LRRC20: variants seen among roughly 807,000 people sequenced by gnomAD.
LRRC20 encodes leucine rich repeat containing 20.
In LRRC20, 11 loss-of-function variants were observed where a neutral mutation model predicts 14.4. The observed-to-expected ratio is 0.77, with a 90% CI of 0.48 to 1.27. LRRC20 has a LOEUF of 1.27. Among genes scored for constraint, LRRC20 ranks in the 50% most tolerant of loss-of-function variants. LRRC20 has a pLI of 0.00. For synonymous variants in LRRC20, 121 were observed against 107.3 expected, an observed-to-expected ratio of 1.13 and a Z score of -0.79; for missense variants, 219 against 251.2, an observed-to-expected ratio of 0.87 and a Z score of 0.87.
At chr10:70,355,634 T>C (rs919784322) in intron 2 of LRRC20, among the ~76,000 whole-genome samples, 7 of 152,198 alleles carry the variant, frequency 4.6e-5, no homozygotes, top group African/African-American at 1.2e-4. Context: ...TCCTATTTCA[T>C]GGACTTGTAT....
intron 2 of LRRC20, among the ~76,000 whole-genome samples, chr10:70,357,601 A>C (rs1248922333): frequency 1.3e-5 from 2 of 152,196 alleles, no homozygotes; most frequent in Non-Finnish European, 2.9e-5. Context: ...TTATTCTCAC[A>C]AGCCCTGGAC....
intron 2 of LRRC20, among the ~76,000 whole-genome samples, chr10:70,355,477 C>T (rs1843484944): frequency 6.6e-6 from 1 of 152,100 alleles, no homozygotes; most frequent in African/African-American, 2.4e-5. Flanking sequence ...AGTCCCACCG[C>T]AATAGCACAC....
chr10:70,380,767 G>A (rs1489376800), intron 1 of LRRC20, among the ~76,000 whole-genome samples: 1 of 152,226 alleles, frequency 6.6e-6, no homozygotes, highest in Non-Finnish European at 1.5e-5. Flanking sequence ...TGAGCATCCT[G>A]GTCCGGTGAA....
intron 4 of LRRC20, among the ~76,000 whole-genome samples, chr10:70,322,837 G>A (rs1360555874): frequency 6.6e-6 from 1 of 151,986 alleles, no homozygotes; most frequent in African/African-American, 2.4e-5. Flanking sequence ...TCAAAGGTCA[G>A]CTGGTCCCAC....
rs1841139713 is a variant in LRRC20 at position 70,300,692 on chromosome 10, T to C, written c.*662A>G. On this transcript the variant is annotated 3_prime_UTR_variant, in exon 5 of 5. Coordinates refer to ENST00000446961, the MANE Select transcript of LRRC20 (RefSeq NM_001278212.2). The stretch of plus-strand genomic sequence containing the variant: ...CAGAGCTGACGTGACTTGCTCCCCA[T>C]TCCCAGCCTGCTGGTCCTCGGGCTC... 2.0e-6 allele frequency: 2 copies of C among 985,478 alleles called. No individual in the cohort carries two copies. The highest frequency in any genetic ancestry group is 1.7e-5 in the African/African-American group (1 of 57,240). The allele number at this position is 985,478 out of a possible 1,614,324, so 61.0% of individuals were successfully genotyped here.
intron 3 of LRRC20, among the ~76,000 whole-genome samples, chr10:70,337,600 C>G (rs1439954648): frequency 6.6e-6 from 1 of 152,164 alleles, no homozygotes; most frequent in African/African-American, 2.4e-5. Flanking sequence ...CTGGGGAGGG[C>G]CTACTTACTC....
chr10:70,301,273 G>A lies in LRRC20; in HGVS notation c.*81C>T. 1 of 1,516,192 alleles carries A rather than the reference G, an allele frequency of 6.6e-7. No homozygotes were observed. Among genetic ancestry groups the A allele is most frequent in the Admixed American group, 2.0e-5 (1 of 50,236 alleles). The allele number at this position is 1,516,192 out of a possible 1,614,324, so 93.9% of individuals were successfully genotyped here. A position where few individuals can be genotyped will look rare whatever the true frequency, so the allele number is the denominator to read the frequency against. ...CACCCGCCCCCAGCCCCCAGGCTTG[G>A]CCTCCCATGGGCCTCCCTCCCTTCC... is the stretch of plus-strand genomic sequence containing the variant. On this transcript the variant is annotated 3_prime_UTR_variant, in exon 5 of 5. Coordinates refer to ENST00000446961, the MANE Select transcript of LRRC20 (RefSeq NM_001278212.2).
chr10:70,312,857 A>G lies in LRRC20; in HGVS notation c.400+11006T>C, dbSNP rs569242232. 1.2e-4 allele frequency among the ~76,000 whole-genome samples: 18 copies of G among 152,324 alleles called. 1 individual carries two copies. The South Asian group carries it at 3.7e-3, about 32-fold the overall frequency. Reference sequence around the variant, plus strand: ...GGAAGTATGGCGGGCACCCCCATCAATAGGATGGGAAGCACGGGATGTTTT... The same window carrying G: ...GGAAGTATGGCGGGCACCCCCATCAGTAGGATGGGAAGCACGGGATGTTTT... On this transcript the variant is annotated intron_variant, in intron 4 of 4. Transcript: ENST00000446961.
chr10:70,376,560 C>T lies in LRRC20; in HGVS notation c.-27G>A. 5 of 1,609,228 alleles carry T rather than the reference C, an allele frequency of 3.1e-6. No homozygotes were observed. The highest frequency in any genetic ancestry group is 2.2e-5 in the East Asian group (1 of 44,874). ...CAGACACAGGTGTCCTGCCGCCAGC[C>T]CCCAGGCTGGTCTGCTTCTCACAAA... On this transcript the variant is annotated 5_prime_UTR_variant, in exon 2 of 5. Coordinates refer to ENST00000446961, the MANE Select transcript of LRRC20 (RefSeq NM_001278212.2).
chr10:70,332,354 C>T (rs546385241), intron 3 of LRRC20, among the ~76,000 whole-genome samples: 6 of 152,356 alleles, frequency 3.9e-5, no homozygotes, highest in African/African-American at 1.2e-4. Flanking sequence ...CATAAAAAGA[C>T]TAAGGCAGGC....
At chr10:70,321,638 C>T (rs1842077826) in intron 4 of LRRC20, among the ~76,000 whole-genome samples, 1 of 152,210 alleles carries the variant, frequency 6.6e-6, no homozygotes, top group Admixed American at 6.5e-5. Context: ...ACCAGGAGCC[C>T]CTCCTGGACA....
chr10:70,336,099 C>T (rs374154735), intron 3 of LRRC20, among the ~76,000 whole-genome samples: 5 of 152,194 alleles, frequency 3.3e-5, no homozygotes, highest in Admixed American at 6.5e-5. Flanking sequence ...CCAAATGACA[C>T]GGCTGCTATC....
intron 2 of LRRC20, among the ~76,000 whole-genome samples, chr10:70,361,000 T>C (rs1213381477): frequency 6.7e-6 from 1 of 148,504 alleles, no homozygotes; most frequent in African/African-American, 2.5e-5. Flanking sequence ...CAGTGAGCTA[T>C]GATCATGCCA....
In LRRC20 at chr10:70,300,846, G is replaced by A. The variant is rs577501736; in HGVS notation, c.*508C>T. The A allele has an allele frequency of 5.1e-6, 5 of 986,006 alleles. No individual in the cohort carries two copies. Among genetic ancestry groups the A allele is most frequent in the East Asian group, 2.3e-4 (2 of 8,816 alleles). 61.1% of individuals were successfully genotyped at this position (986,006 alleles called of 1,614,324 possible). ...TGAAGACTGGGCCCTGCAGAGGGCC[G>A]CATCCAGGTCAGTTCTCAGGAAGCA... On this transcript the variant is annotated 3_prime_UTR_variant, in exon 5 of 5. Transcript: ENST00000446961.
At chr10:70,374,646 CT>C (rs1301933767) in intron 2 of LRRC20, among the ~76,000 whole-genome samples, 4 of 152,090 alleles carry the variant, frequency 2.6e-5, no homozygotes, top group African/African-American at 9.7e-5. Flanking sequence ...GCCCAGCCCC[CT>C]GTGACATTTT....
chr10:70,349,796 A>G (rs938481472), intron 2 of LRRC20, among the ~76,000 whole-genome samples: 1 of 152,154 alleles, frequency 6.6e-6, no homozygotes, highest in Non-Finnish European at 1.5e-5. Context: ...ATTCAAAACC[A>G]AAGATTCAAG....
At chr10:70,381,449 T>C (rs1344052506) in intron 1 of LRRC20, 2 of 152,220 alleles carry the variant, frequency 1.3e-5, no homozygotes, top group Non-Finnish European at 2.9e-5. Context: ...GATTTTTGCT[T>C]AAACCCTGAC....
chr10:70,356,168 T>C lies in LRRC20; in HGVS notation c.83-15466A>G, dbSNP rs78147156. On this transcript the variant is annotated intron_variant, in intron 2 of 4. Coordinates refer to ENST00000446961, the MANE Select transcript of LRRC20 (RefSeq NM_001278212.2). ...TGGGACCTCAGGCAAGTTACTTAAC[T>C]CCAATCTCAGTTTCTTCTTCAGTAA... Among the ~76,000 whole-genome samples the C allele has an allele frequency of 9.2e-3, 1,406 of 152,282 alleles. 24 individuals are homozygous for C. Among genetic ancestry groups the C allele is most frequent in the African/African-American group, 0.032 (1,330 of 41,568 alleles).
intron 2 of LRRC20, among the ~76,000 whole-genome samples, chr10:70,346,262 A>T (rs748701956): frequency 3.3e-5 from 5 of 152,026 alleles, no homozygotes; most frequent in Non-Finnish European, 5.9e-5. Flanking sequence ...AATAAATAAA[A>T]TAAATTTGCT....
Sources: gnomAD v4.1 joint callset for allele counts (sites outside exome capture counted in the v4.1 genomes callset) on GRCh38, gnomAD v4.1.1 for gene constraint, MANE v1.5 for transcripts, NCBI Gene and HGNC (gene_info 2026-07-23, HGNC 2026-07-21) for gene names.